The following SLC24A2 variants were observed in gnomAD, a reference collection of about 807,000 sequenced individuals.
SLC24A2 encodes the protein solute carrier family 24 member 2.
Under a neutral mutation model 62.0 loss-of-function variants are expected in SLC24A2, and 36 were observed. The ratio of observed to expected loss-of-function variants is 0.58; its 90% CI spans 0.44 to 0.77. The LOEUF is 0.77. Ranked by LOEUF, SLC24A2 falls within the 30% of genes least tolerant of loss-of-function variation. The probability of loss-of-function intolerance (pLI) is 0.00; values close to 1 mark genes in which losing one functional copy is unlikely to be tolerated. For missense variants in SLC24A2, 846 were observed against 817.9 expected (o/e 1.03, Z -0.42); for synonymous variants, 358 against 294.0 (o/e 1.22, Z -2.23).
chr9:19,885,095 A>G, the SLC24A2 span, among the ~76,000 whole-genome samples: 1 of 152,166 alleles, frequency 6.6e-6, no homozygotes, highest in African/African-American at 2.4e-5. Context: ...GAGTGTCTCC[A>G]TATGGCAGTG....
At chr9:20,073,938 A>ATATG in the SLC24A2 span, among the ~76,000 whole-genome samples, 139 of 148,050 alleles carry the variant, frequency 9.4e-4, no homozygotes, top group African/African-American at 3.3e-3. Context: ...ATATATATAT[A>ATATG]TATGTATGTA....
chr9:19,994,970 T>C, the SLC24A2 span, among the ~76,000 whole-genome samples: 1 of 152,182 alleles, frequency 6.6e-6, no homozygotes, highest in South Asian at 2.1e-4. Flanking sequence ...CAACACCCTT[T>C]ACCTTAAAAT....
At chr9:20,159,187 T>C in the SLC24A2 span, among the ~76,000 whole-genome samples, 1 of 151,618 alleles carries the variant, frequency 6.6e-6, no homozygotes, top group African/African-American at 2.4e-5. Flanking sequence ...CGTGCAGTAA[T>C]ATGTGGAATA....
the SLC24A2 span, among the ~76,000 whole-genome samples, chr9:20,201,584 G>A: frequency 1.3e-5 from 2 of 152,096 alleles, no homozygotes. Flanking sequence ...TAATAGAATA[G>A]GTATAGAAAT....
chr9:20,012,850 T>A, the SLC24A2 span, among the ~76,000 whole-genome samples: 1 of 151,836 alleles, frequency 6.6e-6, no homozygotes, highest in African/African-American at 2.4e-5. Context: ...ACCAAAGTGG[T>A]AAAAGACTTG....
the SLC24A2 span, among the ~76,000 whole-genome samples, chr9:20,293,077 T>C: frequency 6.6e-6 from 1 of 152,228 alleles, no homozygotes; most frequent in Non-Finnish European, 1.5e-5. Flanking sequence ...TCACATGGCA[T>C]TTCCCCTGTG....
chr9:19,667,490 T>C (rs1244920670), intron 2 of SLC24A2, among the ~76,000 whole-genome samples: 2 of 152,192 alleles, frequency 1.3e-5, no homozygotes, highest in African/African-American at 2.4e-5. Context: ...TCCTTCCTTC[T>C]TTCCACCCCT....
At chr9:20,036,898 A>ATATG in the SLC24A2 span, among the ~76,000 whole-genome samples, 1 of 136,350 alleles carries the variant, frequency 7.3e-6, no homozygotes, top group Non-Finnish European at 1.5e-5. Flanking sequence ...GTGCGTATAT[A>ATATG]TATGTATGTA....
the SLC24A2 span, among the ~76,000 whole-genome samples, chr9:20,230,100 A>C: frequency 6.6e-6 from 1 of 152,116 alleles, no homozygotes; most frequent in Non-Finnish European, 1.5e-5. Flanking sequence ...TCCATGGTGT[A>C]TATGTGCCAC....
chr9:20,302,463 G>C, the SLC24A2 span, among the ~76,000 whole-genome samples: 2 of 152,108 alleles, frequency 1.3e-5, no homozygotes, highest in African/African-American at 4.8e-5. Context: ...GTTTTGATTT[G>C]CATTTCCCTA....
At chr9:20,071,710 A>G in the SLC24A2 span, among the ~76,000 whole-genome samples, 1 of 152,090 alleles carries the variant, frequency 6.6e-6, no homozygotes, top group East Asian at 1.9e-4. Context: ...CAAGCCCCCA[A>G]CCTGTGGAAT....
intron 2 of SLC24A2, among the ~76,000 whole-genome samples, chr9:19,677,931 C>T (rs1436010047): frequency 6.6e-6 from 1 of 151,908 alleles, no homozygotes; most frequent in Non-Finnish European, 1.5e-5. Context: ...CACACAAGCA[C>T]ACAAAACAAT....
chr9:19,863,739 C>T, the SLC24A2 span, among the ~76,000 whole-genome samples: 2 of 151,134 alleles, frequency 1.3e-5, no homozygotes, highest in South Asian at 2.1e-4. Flanking sequence ...CTATAAGTGC[C>T]CACATCAAAA....
At chr9:19,735,425 C>G (rs1470625025) in intron 2 of SLC24A2, among the ~76,000 whole-genome samples, 1 of 152,008 alleles carries the variant, frequency 6.6e-6, no homozygotes. Flanking sequence ...TAAACTAGTT[C>G]AACCATTGTG....
At chr9:20,167,880 C>G in the SLC24A2 span, among the ~76,000 whole-genome samples, 4 of 151,644 alleles carry the variant, frequency 2.6e-5, no homozygotes, top group African/African-American at 9.7e-5. Flanking sequence ...CCACCATGCC[C>G]AGCCCTGTTT....
chr9:20,237,024 G>C, the SLC24A2 span, among the ~76,000 whole-genome samples: 5 of 152,038 alleles, frequency 3.3e-5, no homozygotes, highest in Non-Finnish European at 7.3e-5. Context: ...GTCTCACACT[G>C]TCAGGCTAAG....
the SLC24A2 span, among the ~76,000 whole-genome samples, chr9:19,952,624 A>C: frequency 2.7e-5 from 4 of 145,596 alleles, no homozygotes; most frequent in Non-Finnish European, 4.5e-5. Context: ...TCTCATATAC[A>C]TTGTTGGGTT....
intron 5 of SLC24A2, among the ~76,000 whole-genome samples, chr9:19,592,650 C>A (rs1836592703): frequency 6.6e-6 from 1 of 152,118 alleles, no homozygotes; most frequent in Admixed American, 6.6e-5. Context: ...TCCTTTTAAT[C>A]CATCTGTCCC....
chr9:19,577,888 G>T (rs182615489), intron 5 of SLC24A2, among the ~76,000 whole-genome samples: 1 of 149,854 alleles, frequency 6.7e-6, no homozygotes, highest in Admixed American at 6.7e-5. Context: ...ATATATATAT[G>T]ATGGAATACT....
Sources: allele counts gnomAD v4.1 joint callset (sites outside exome capture counted in the v4.1 genomes callset), GRCh38; gene constraint gnomAD v4.1.1; transcripts MANE v1.5; gene names NCBI Gene and HGNC (gene_info 2026-07-23, HGNC 2026-07-21).